Variants in DCHS2 observed in about 807,000 individuals in gnomAD.
The protein encoded by DCHS2 is dachsous cadherin-related 2, also known as protocadherin-23.
In DCHS2, 142 loss-of-function variants were observed where a neutral mutation model predicts 182.4. That is an observed-to-expected ratio of 0.78 (90% CI 0.68 to 0.89). The LOEUF is 0.89. Among genes scored for constraint, DCHS2 ranks in the 40% least tolerant of loss-of-function variants. The pLI, the probability that DCHS2 is intolerant of heterozygous loss-of-function variation, is 0.00. For synonymous variants in DCHS2, 1,740 were observed against 1,663.3 expected, an observed-to-expected ratio of 1.05 and a Z score of -1.12; for missense variants, 4,319 against 4,198.6, an observed-to-expected ratio of 1.03 and a Z score of -0.79.
In DCHS2 at chr4:154,234,261, A is replaced by G; in HGVS notation, c.*275T>C. ...GTTCACTGTGTCCTTTGGAAGTCTA[A>G]TCATACAGACAACAGGTCTGACAGA... is the stretch of plus-strand genomic sequence containing the variant. On this transcript the variant is annotated 3_prime_UTR_variant, in exon 20 of 20. Coordinates refer to ENST00000357232, the MANE Select transcript of DCHS2 (RefSeq NM_001358235.2). The G allele has an allele frequency of 3.3e-6, 1 of 304,956 alleles. No homozygotes were observed. The highest frequency in any genetic ancestry group is 4.7e-5 in the Admixed American group (1 of 21,112). The allele number at this position is 304,956 out of a possible 1,614,324, so 18.9% of individuals were successfully genotyped here. A position where few individuals can be genotyped will look rare whatever the true frequency, so the allele number is the denominator to read the frequency against.
intron 13 of DCHS2, among the ~76,000 whole-genome samples, chr4:154,274,863 G>A (rs1733764174): frequency 6.6e-6 from 1 of 151,512 alleles, no homozygotes; most frequent in Admixed American, 6.6e-5. Context: ...TACCATATCT[G>A]ATAGTGAGAT....
chr4:154,451,344 T>C lies in DCHS2; in HGVS notation c.2052+37960A>G, dbSNP rs181449733. Reference sequence around the variant, plus strand: ...CTTGCTACTGGGCCTTAATAGAAATTGGACACTTACTACGCTCATCATGAA... The same window carrying C: ...CTTGCTACTGGGCCTTAATAGAAATCGGACACTTACTACGCTCATCATGAA... On this transcript the variant is annotated intron_variant, in intron 1 of 19. Transcript: ENST00000357232. Among the ~76,000 whole-genome samples the C allele has an allele frequency of 1.4e-4, 22 of 152,308 alleles. No individual in the cohort carries two copies. In the East Asian group the frequency reaches 3.5e-3, roughly 24 times the overall value.
chr4:154,334,631 T>G (rs1452147501), intron 4 of DCHS2: 2 of 478,646 alleles, frequency 4.2e-6, no homozygotes, highest in South Asian at 5.5e-5. Context: ...TATTATAATC[T>G]GTATTATTTT....
intron 14 of DCHS2, chr4:154,269,325 T>A (rs1248198374): frequency 6.6e-6 from 1 of 152,530 alleles, no homozygotes; most frequent in Non-Finnish European, 1.5e-5. Flanking sequence ...GCAGTAGATG[T>A]GTATCTACTA....
chr4:154,346,170 G>C (rs758888591), intron 3 of DCHS2, among the ~76,000 whole-genome samples: 3 of 152,128 alleles, frequency 2.0e-5, no homozygotes, highest in Admixed American at 1.3e-4. Flanking sequence ...TAGGGGTGAG[G>C]GTTTCAACAT....
rs1305295464 is a variant in DCHS2 at position 154,241,147 on chromosome 4, T to A, written c.7073-324A>T. 2.0e-5 allele frequency among the ~76,000 whole-genome samples: 3 copies of A among 152,160 alleles called. No homozygotes were observed. The East Asian group carries it at 5.8e-4, about 29-fold the overall frequency. On this transcript the variant is annotated intron_variant, in intron 17 of 19. Transcript: ENST00000357232. ...TAAGCCACTTATTTATAATATACACTTTCTGTATCAAAATCATATCTTCAT... is the reference window on the plus strand; with the variant it reads ...TAAGCCACTTATTTATAATATACACATTCTGTATCAAAATCATATCTTCAT...
intron 1 of DCHS2, among the ~76,000 whole-genome samples, chr4:154,488,684 C>T (rs920429185): frequency 6.6e-6 from 1 of 152,148 alleles, no homozygotes; most frequent in South Asian, 2.1e-4. Flanking sequence ...GGGCAGATCA[C>T]CTGAGGTCAG....
chr4:154,477,922 A>C (rs1735754643), intron 1 of DCHS2, among the ~76,000 whole-genome samples: 1 of 152,214 alleles, frequency 6.6e-6, no homozygotes, highest in Non-Finnish European at 1.5e-5. Context: ...TAGGGTGGGA[A>C]ATATTATCAG....
At chr4:154,301,687 C>T (rs931260891) in intron 12 of DCHS2, among the ~76,000 whole-genome samples, 2 of 151,860 alleles carry the variant, frequency 1.3e-5, no homozygotes, top group East Asian at 1.9e-4. Context: ...TTAGTAGAGA[C>T]GAGGTTTCTC....
intron 13 of DCHS2, among the ~76,000 whole-genome samples, chr4:154,292,105 T>G (rs1734694942): frequency 6.6e-6 from 1 of 152,120 alleles, no homozygotes. Context: ...AAATTAAAAA[T>G]TAAAATTTTT....
chr4:154,234,769 TTGG>T lies in DCHS2; in HGVS notation c.9880_9882del (p.Pro3294del). ...TGCCCCAGGTTTACTGCCGGCATTC[TTGG>T]TGGGACTGCTTTAATCCCAGGCTGG... On this transcript the variant is annotated inframe_deletion, in exon 20 of 20. Transcript: ENST00000357232. The T allele has an allele frequency of 6.2e-7, 1 of 1,614,030 alleles. No homozygotes were observed. The highest frequency in any genetic ancestry group is 8.5e-7 in the Non-Finnish European group (1 of 1,179,936).
chr4:154,412,341 A>C (rs1452569430), intron 1 of DCHS2, among the ~76,000 whole-genome samples: 4 of 152,136 alleles, frequency 2.6e-5, no homozygotes, highest in East Asian at 1.9e-4. Flanking sequence ...CAATTTCAGC[A>C]TGTCCTCAAG....
At chr4:154,409,244 G>A (rs1732524000) in intron 1 of DCHS2, among the ~76,000 whole-genome samples, 1 of 152,076 alleles carries the variant, frequency 6.6e-6, no homozygotes, top group Non-Finnish European at 1.5e-5. Flanking sequence ...GGGCCCAAGT[G>A]ACAGCTATGC....
At chr4:154,241,145 A>C (rs1414167271) in intron 17 of DCHS2, among the ~76,000 whole-genome samples, 1 of 152,148 alleles carries the variant, frequency 6.6e-6, no homozygotes, top group Non-Finnish European at 1.5e-5. Flanking sequence ...TATAATATAC[A>C]CTTTCTGTAT....
At chr4:154,278,977 A>G (rs1733997738) in intron 13 of DCHS2, among the ~76,000 whole-genome samples, 2 of 152,178 alleles carry the variant, frequency 1.3e-5, no homozygotes, top group Admixed American at 6.6e-5. Flanking sequence ...TAATATGGCA[A>G]TAGTGATGAA....
At chr4:154,256,678 T>A (rs918976089) in intron 15 of DCHS2, among the ~76,000 whole-genome samples, 1 of 152,160 alleles carries the variant, frequency 6.6e-6, no homozygotes, top group Non-Finnish European at 1.5e-5. Flanking sequence ...TTTTACTTGT[T>A]TATATCTTCT....
At chr4:154,345,588 A>G (rs1729320488) in intron 3 of DCHS2, among the ~76,000 whole-genome samples, 1 of 152,196 alleles carries the variant, frequency 6.6e-6, no homozygotes, top group African/African-American at 2.4e-5. Context: ...GGCTCTTGTT[A>G]TTCTCTGCCT....
intron 1 of DCHS2, among the ~76,000 whole-genome samples, chr4:154,446,652 C>T (rs1734296326): frequency 6.6e-6 from 1 of 152,064 alleles, no homozygotes; most frequent in Admixed American, 6.6e-5. Flanking sequence ...TGCAGGCGAT[C>T]TGGCTGGAGT....
At chr4:154,385,392 C>T (rs558701578) in intron 1 of DCHS2, among the ~76,000 whole-genome samples, 3 of 152,198 alleles carry the variant, frequency 2.0e-5, no homozygotes, top group Admixed American at 6.5e-5. Flanking sequence ...CATACATGTA[C>T]GTGTGTCTTT....
Sources: allele counts gnomAD v4.1 joint callset (sites outside exome capture counted in the v4.1 genomes callset), GRCh38; gene constraint gnomAD v4.1.1; transcripts MANE v1.5; gene names NCBI Gene and HGNC (gene_info 2026-07-23, HGNC 2026-07-21).